Variants in COL4A4 observed in about 807,000 individuals in gnomAD.
COL4A4 encodes the protein collagen type IV alpha 4 chain.
COL4A4 carries 105 observed loss-of-function variants against 192.9 expected under a neutral mutation model. The observed-to-expected ratio is 0.54, with a 90% CI of 0.46 to 0.64. The LOEUF (loss-of-function observed/expected upper bound fraction) is 0.64, where lower values mean the gene tolerates loss of function less well. Among genes scored for constraint, COL4A4 ranks in the 30% least tolerant of loss-of-function variants. COL4A4 has a pLI of 0.00. For missense variants in COL4A4, 1,967 were observed against 2,169.3 expected (o/e 0.91, Z 1.85); for synonymous variants, 762 against 769.9 (o/e 0.99, Z 0.17).
At chr2:227,044,636 C>T (rs776177511) in intron 35 of COL4A4, among the ~76,000 whole-genome samples, 9 of 151,880 alleles carry the variant, frequency 5.9e-5, no homozygotes, top group Non-Finnish European at 7.4e-5. Flanking sequence ...AAACTTGTCT[C>T]CTGAATTTTG....
intron 4 of COL4A4, among the ~76,000 whole-genome samples, chr2:227,139,553 C>A (rs932065455): frequency 1.3e-5 from 2 of 152,164 alleles, no homozygotes; most frequent in Non-Finnish European, 2.9e-5. Flanking sequence ...TCAACGCAAA[C>A]GTTCTGGGTG....
At chr2:227,135,225 A>G (rs1237662678) in intron 4 of COL4A4, among the ~76,000 whole-genome samples, 1 of 141,094 alleles carries the variant, frequency 7.1e-6, no homozygotes, top group Non-Finnish European at 1.6e-5. Flanking sequence ...GGGCTGCTAG[A>G]GCCGAGGGGA....
rs1962313344 is a variant in COL4A4 at position 227,007,155 on chromosome 2, T to C, written c.*170A>G. The C allele has an allele frequency of 1.1e-6, 1 of 910,470 alleles. No individual in the cohort carries two copies. The highest frequency in any genetic ancestry group is 1.8e-6 in the Non-Finnish European group (1 of 557,456). 56.4% of individuals were successfully genotyped at this position (910,470 alleles called of 1,614,324 possible). A position where few individuals can be genotyped will look rare whatever the true frequency, so the allele number is the denominator to read the frequency against. ...CCAAACAAATCCATCTGTGCAGCAT[T>C]TGCTTAATGTGTAAGGAACCAGAGG... On this transcript the variant is annotated 3_prime_UTR_variant, in exon 48 of 48. Coordinates refer to ENST00000396625, the MANE Select transcript of COL4A4 (RefSeq NM_000092.5).
chr2:227,107,900 G>A (rs1055017513), intron 12 of COL4A4, among the ~76,000 whole-genome samples: 14 of 151,846 alleles, frequency 9.2e-5, no homozygotes, highest in African/African-American at 3.1e-4. Context: ...TGGGACTACA[G>A]GCACGCACCA....
intron 25 of COL4A4, among the ~76,000 whole-genome samples, chr2:227,071,463 T>A (rs2058718160): frequency 6.6e-6 from 1 of 152,114 alleles, no homozygotes; most frequent in Non-Finnish European, 1.5e-5. Flanking sequence ...GAGACTTCAA[T>A]ACACCACTGA....
rs1971273307 is a variant in COL4A4, at chr2:227,041,846, A to AGAGAG, written c.3505+301_3505+302insCTCTC. ...AAAGAAAGAAAGAAAGAAAGAAAGA[A>AGAGAG]AGAGAAAGAAAGAAAGAAAGAAAGA... On this transcript the variant is annotated intron_variant, in intron 37 of 47. Transcript: ENST00000396625. Among the ~76,000 whole-genome samples, 6 of 39,316 alleles carry AGAGAG rather than the reference A, an allele frequency of 1.5e-4. 1 individual carries two copies. The highest frequency in any genetic ancestry group is 6.8e-4 in the African/African-American group (5 of 7,374). 25.8% of individuals were successfully genotyped at this position (39,316 alleles called of 152,430 possible). A position where few individuals can be genotyped will look rare whatever the true frequency, so the allele number is the denominator to read the frequency against.
intron 12 of COL4A4, among the ~76,000 whole-genome samples, chr2:227,104,934 C>T (rs1340050934): frequency 1.4e-5 from 2 of 144,032 alleles, no homozygotes; most frequent in Admixed American, 1.4e-4. Flanking sequence ...AGCCACCGCA[C>T]CCGGCCTATT....
Position 227,097,183 on chromosome 2 carries a change from TGCC to T in COL4A4, c.1204+1508_1204+1510del, listed in dbSNP as rs1228044210. 3.9e-5 allele frequency among the ~76,000 whole-genome samples: 6 copies of T among 152,254 alleles called. No homozygotes were observed. In the South Asian group the frequency reaches 1.2e-3, roughly 32 times the overall value. ...TTGCCAAGAAGAATGCTTAACCACC[TGCC>T]AACAGGGAGAATGGGCTACAGTGTG... On this transcript the variant is annotated intron_variant, in intron 19 of 47. Coordinates refer to ENST00000396625, the MANE Select transcript of COL4A4 (RefSeq NM_000092.5).
chr2:226,987,637 GC>G, the COL4A4 span, among the ~76,000 whole-genome samples: 1 of 152,176 alleles, frequency 6.6e-6, no homozygotes, highest in Non-Finnish European at 1.5e-5. Flanking sequence ...AGAGGTCCAG[GC>G]CCCCCTCTGG....
At chr2:227,158,218 G>A (rs932832505) in intron 1 of COL4A4, among the ~76,000 whole-genome samples, 11 of 152,094 alleles carry the variant, frequency 7.2e-5, no homozygotes, top group African/African-American at 2.7e-4. Flanking sequence ...AGGTGCCATG[G>A]CAATCATGGC....
At chr2:227,109,678 C>G (rs2061077733) in intron 9 of COL4A4, among the ~76,000 whole-genome samples, 1 of 151,178 alleles carries the variant, frequency 6.6e-6, no homozygotes, top group Admixed American at 6.6e-5. Context: ...ACCAGGGAAT[C>G]GGAGATTGCA....
intron 20 of COL4A4, among the ~76,000 whole-genome samples, chr2:227,091,286 A>ATATAGG (rs1228357540): frequency 1.3e-5 from 2 of 151,472 alleles, no homozygotes; most frequent in African/African-American, 4.9e-5. Context: ...ATAGATATAG[A>ATATAGG]TATAGATATA....
In COL4A4 at chr2:227,052,363, T is replaced by C. The variant is rs750457967; in HGVS notation, c.2910A>G (p.Gln970=). 6.2e-7 allele frequency: 1 copy of C among 1,613,754 alleles called. No individual in the cohort carries two copies. The highest frequency in any genetic ancestry group is 1.1e-5 in the South Asian group (1 of 91,070). The part of the protein sequence containing the change: ...GDEGEMAIIS[Q]KGTPGEPGPP... ...GTCCAGGTTCCCCAGGTGTTCCCTT[T>C]TGTGAAATGATAGCCATTTCTCCTT... The change falls in exon 32 of 48, where the codon CAA becomes CAG. Residue 970 remains glutamine, a synonymous_variant. Transcript: ENST00000396625.
rs148803700 is a variant in COL4A4, at chr2:227,129,370, A to G, written c.193-8222T>C. ...TTTTCATTATTGCCTTGTGCATGCT[A>G]CTTTGCTTAATATCTGCTTGGGGTG... On this transcript the variant is annotated intron_variant, in intron 4 of 47. Coordinates refer to ENST00000396625, the MANE Select transcript of COL4A4 (RefSeq NM_000092.5). 1.6e-3 allele frequency among the ~76,000 whole-genome samples: 234 copies of G among 150,628 alleles called. 6 individuals are homozygous for G. The East Asian group carries it at 0.044, about 28-fold the overall frequency.
chr2:227,082,726 G>A (rs2059388705), intron 22 of COL4A4, among the ~76,000 whole-genome samples: 1 of 152,208 alleles, frequency 6.6e-6, no homozygotes, highest in African/African-American at 2.4e-5. Context: ...AGGCATGGAA[G>A]TGACGTCCTG....
At chr2:227,042,336 T>C (rs1971636152) in intron 36 of COL4A4, 81 bp from the exon 37 acceptor site, 14 of 798,964 alleles carry the variant, frequency 1.8e-5, no homozygotes, top group Admixed American at 1.3e-4. Context: ...ATGTTCTTAA[T>C]ATATGGGTAA....
At chr2:226,990,040 A>C in the COL4A4 span, among the ~76,000 whole-genome samples, 1 of 152,260 alleles carries the variant, frequency 6.6e-6, no homozygotes, top group Non-Finnish European at 1.5e-5. Flanking sequence ...ACCAAAACTG[A>C]AATTTCCATT....
At chr2:227,100,764 G>A (rs910981303) in intron 17 of COL4A4, among the ~76,000 whole-genome samples, 54 of 150,604 alleles carry the variant, frequency 3.6e-4, no homozygotes, top group African/African-American at 1.3e-3. Flanking sequence ...GGAACCCAGT[G>A]GGAGGTGATT....
At chr2:226,991,314 C>T in the COL4A4 span, among the ~76,000 whole-genome samples, 6 of 151,990 alleles carry the variant, frequency 3.9e-5, no homozygotes, top group African/African-American at 7.2e-5. Flanking sequence ...CCAAGTAGCA[C>T]GGGATTACAG....
Sources: allele counts gnomAD v4.1 joint callset (sites outside exome capture counted in the v4.1 genomes callset), GRCh38; gene constraint gnomAD v4.1.1; transcripts MANE v1.5; gene names NCBI Gene and HGNC (gene_info 2026-07-23, HGNC 2026-07-21).